The following CYTH3 variants were observed in gnomAD, a reference collection of about 807,000 sequenced individuals.
CYTH3 encodes cytohesin 3, also known as cytohesin-3.
A neutral mutation model predicts 55.1 loss-of-function variants in CYTH3; 23 were observed. The observed-to-expected ratio is 0.42, with a 90% confidence interval of 0.30 to 0.59. The LOEUF (loss-of-function observed/expected upper bound fraction) is 0.59. CYTH3 is among the 20% of genes least tolerant of loss of function. The pLI is 0.20. For missense variants in CYTH3, 413 were observed against 524.8 expected, an observed-to-expected ratio of 0.79 and a Z score of 2.08; for synonymous variants, 249 against 194.9, an observed-to-expected ratio of 1.28 and a Z score of -2.31.
chr7:6,185,972 C>T (rs983225341), intron 4 of CYTH3, among the ~76,000 whole-genome samples: 13 of 151,648 alleles, frequency 8.6e-5, no homozygotes, highest in African/African-American at 2.2e-4. Flanking sequence ...GGGCCAGGCA[C>T]GGTGGCTCAC....
intron 9 of CYTH3, among the ~76,000 whole-genome samples, chr7:6,166,784 T>G (rs1002637754): frequency 5.3e-5 from 8 of 152,082 alleles, no homozygotes; most frequent in African/African-American, 1.9e-4. Context: ...CCTGCCTCAC[T>G]CAGTGCTGCC....
chr7:6,257,489 A>C (rs1407271824), intron 1 of CYTH3, among the ~76,000 whole-genome samples: 1 of 152,238 alleles, frequency 6.6e-6, no homozygotes, highest in Non-Finnish European at 1.5e-5. Context: ...ATACTTCTAA[A>C]TGTACACGTT....
chr7:6,239,328 C>A (rs1211657555), intron 1 of CYTH3, among the ~76,000 whole-genome samples: 1 of 152,204 alleles, frequency 6.6e-6, no homozygotes, highest in Admixed American at 6.5e-5. Context: ...CTGCCCACCA[C>A]TGCCCCGTCT....
chr7:6,253,754 T>G (rs1780032352), intron 1 of CYTH3, among the ~76,000 whole-genome samples: 1 of 151,930 alleles, frequency 6.6e-6, no homozygotes, highest in African/African-American at 2.4e-5. Flanking sequence ...AGGCGGAAGT[T>G]GCAGTGAGCC....
At chr7:6,206,443 G>C (rs993553239) in intron 1 of CYTH3, among the ~76,000 whole-genome samples, 1 of 152,204 alleles carries the variant, frequency 6.6e-6, no homozygotes, top group Non-Finnish European at 1.5e-5. Context: ...CAAAACAGTG[G>C]GTAATCTGGG....
chr7:6,230,859 T>C (rs991145512), intron 1 of CYTH3, among the ~76,000 whole-genome samples: 5 of 152,224 alleles, frequency 3.3e-5, no homozygotes, highest in Non-Finnish European at 5.9e-5. Flanking sequence ...GTAATGTTTA[T>C]TTTCTTCTTT....
intron 1 of CYTH3, among the ~76,000 whole-genome samples, chr7:6,192,999 C>T (rs1362629919): frequency 2.6e-5 from 4 of 151,588 alleles, no homozygotes; most frequent in African/African-American, 7.3e-5. Flanking sequence ...AGTGAAACCC[C>T]GTCTCTACTA....
chr7:6,164,891 G>C lies in CYTH3; in HGVS notation c.*53C>G, dbSNP rs552862315. 1.2e-6 allele frequency: 2 copies of C among 1,604,048 alleles called. No homozygotes were observed. The highest frequency in any genetic ancestry group is 1.7e-6 in the Non-Finnish European group (2 of 1,171,114). ...CGCCTTCCGCGGAGGGGCCGCCCGC[G>C]GTGTCTTTCTGCTGGGGTTGGGTCT... On this transcript the variant is annotated 3_prime_UTR_variant, in exon 13 of 13. Transcript: ENST00000350796.
In CYTH3 at chr7:6,237,579, G is replaced by A. The variant is rs531301692; in HGVS notation, c.34+34895C>T. On this transcript the variant is annotated intron_variant, in intron 1 of 12. Transcript: ENST00000350796. ...AAAAATTAGCCAGGCATGGTGGCAC[G>A]CGCCTGTTATCCCAGCTACTCAGGA... Among the ~76,000 whole-genome samples, 196 of 152,124 alleles carry A rather than the reference G, an allele frequency of 1.3e-3. 7 individuals are homozygous for A. The South Asian group carries it at 0.039, about 30-fold the overall frequency.
At chr7:6,197,645 T>C (rs1470919255) in intron 1 of CYTH3, among the ~76,000 whole-genome samples, 1 of 152,166 alleles carries the variant, frequency 6.6e-6, no homozygotes, top group Non-Finnish European at 1.5e-5. Flanking sequence ...ATCATGCCAT[T>C]GCCCTCCAGC....
intron 1 of CYTH3, among the ~76,000 whole-genome samples, chr7:6,263,355 A>T (rs960805769): frequency 3.9e-5 from 6 of 152,228 alleles, no homozygotes; most frequent in Admixed American, 3.9e-4. Flanking sequence ...GCAATCTGTT[A>T]TCTATTAAAA....
At position 6,164,893 on chromosome 7, in the gene CYTH3, T is replaced by A. The variant is rs577783595; in HGVS notation, c.*51A>T. The A allele has an allele frequency of 6.2e-7, 1 of 1,607,372 alleles. No homozygotes were observed. Among genetic ancestry groups the A allele is most frequent in the East Asian group, 2.2e-5 (1 of 44,846 alleles). On this transcript the variant is annotated 3_prime_UTR_variant, in exon 13 of 13. Transcript: ENST00000350796. ...CCTTCCGCGGAGGGGCCGCCCGCGG[T>A]GTCTTTCTGCTGGGGTTGGGTCTTT...
At chr7:6,242,836 C>T (rs1779709797) in intron 1 of CYTH3, among the ~76,000 whole-genome samples, 1 of 152,114 alleles carries the variant, frequency 6.6e-6, no homozygotes, top group Non-Finnish European at 1.5e-5. Context: ...CTCCCAGACC[C>T]CACTGCCACC....
intron 1 of CYTH3, among the ~76,000 whole-genome samples, chr7:6,211,597 G>T (rs540454540): frequency 2.2e-4 from 33 of 152,342 alleles, no homozygotes; most frequent in African/African-American, 7.2e-4. Context: ...ATCCCAAAGT[G>T]CTGGGATTAC....
At chr7:6,204,943 T>C (rs981725652) in intron 1 of CYTH3, among the ~76,000 whole-genome samples, 1 of 151,884 alleles carries the variant, frequency 6.6e-6, no homozygotes, top group Non-Finnish European at 1.5e-5. Flanking sequence ...GGTGGGTGGA[T>C]CACTTGAGCC....
chr7:6,170,506 G>C lies in CYTH3; in HGVS notation c.823+29C>G, dbSNP rs774466164. On this transcript the variant is annotated intron_variant, in intron 9 of 12. Transcript: ENST00000350796. This position sits in a 1 kb window ranked among gnomAD's most constrained non-coding sequence, Gnocchi z 7.8. ...CTGCTGCCATGGGCAGAGGGGTCAC[G>C]CCCGGGTCCCGCTGGGCCGGCGGCT... is the stretch of plus-strand genomic sequence containing the variant. The C allele has an allele frequency of 6.2e-6, 10 of 1,605,594 alleles. No homozygotes were observed. Among genetic ancestry groups the C allele is most frequent in the Middle Eastern group, 3.3e-4 (2 of 6,032 alleles).
chr7:6,271,259 G>C (rs1780644706), intron 1 of CYTH3, among the ~76,000 whole-genome samples: 1 of 152,104 alleles, frequency 6.6e-6, no homozygotes, highest in Non-Finnish European at 1.5e-5. Context: ...CACCATCCTG[G>C]CTGCATCGCG....
intron 1 of CYTH3, among the ~76,000 whole-genome samples, chr7:6,259,796 T>TATATATATATA (rs1780279144): frequency 1.4e-4 from 3 of 21,844 alleles, no homozygotes; most frequent in African/African-American, 4.8e-4. Flanking sequence ...TATATATATA[T>TATATATATATA]ATATATATAT....
At position 6,164,729 on chromosome 7, in the gene CYTH3, T is replaced by G. The variant is rs1782936252; in HGVS notation, c.*215A>C. Reference sequence around the variant, plus strand: ...AGGATCAGTCTGGGCCACGGTACGCTCTGGAGCAGCAGCTTGCACTGCAGG... The same window carrying G: ...AGGATCAGTCTGGGCCACGGTACGCGCTGGAGCAGCAGCTTGCACTGCAGG... On this transcript the variant is annotated 3_prime_UTR_variant, in exon 13 of 13. Transcript: ENST00000350796. 1.5e-6 allele frequency: 1 copy of G among 645,238 alleles called. No individual in the cohort carries two copies. Among genetic ancestry groups the G allele is most frequent in the South Asian group, 1.8e-5 (1 of 55,758 alleles). The allele number at this position is 645,238 out of a possible 1,614,324, so 40.0% of individuals were successfully genotyped here. A position where few individuals can be genotyped will look rare whatever the true frequency, so the allele number is the denominator to read the frequency against.
Sources: allele counts gnomAD v4.1 joint callset (sites outside exome capture counted in the v4.1 genomes callset), GRCh38; gene constraint gnomAD v4.1.1; non-coding constraint Gnocchi (gnomAD v3.1); transcripts MANE v1.5; gene names NCBI Gene and HGNC (gene_info 2026-07-23, HGNC 2026-07-21).